MAD1L1: variants seen among roughly 807,000 people sequenced by gnomAD.
MAD1L1 encodes the protein mitotic spindle assembly checkpoint protein MAD1.
In MAD1L1, 95 loss-of-function variants were observed where a neutral mutation model predicts 96.9. The observed-to-expected ratio is 0.98, with a 90% confidence interval of 0.83 to 1.16. MAD1L1 has a LOEUF of 1.16. MAD1L1 is among the 50% of genes most tolerant of loss of function. The pLI, the probability that MAD1L1 is intolerant of heterozygous loss-of-function variation, is 0.00. For missense variants in MAD1L1, 1,007 were observed against 954.4 expected, an observed-to-expected ratio of 1.06 and a Z score of -0.73; for synonymous variants, 473 against 396.6, an observed-to-expected ratio of 1.19 and a Z score of -2.29.
At chr7:2,139,345 C>T (rs1207982518) in intron 11 of MAD1L1, among the ~76,000 whole-genome samples, 1 of 151,658 alleles carries the variant, frequency 6.6e-6, no homozygotes, top group Admixed American at 6.5e-5. Flanking sequence ...TCACAGGCTG[C>T]AGTCCAGGGC....
intron 12 of MAD1L1, among the ~76,000 whole-genome samples, chr7:2,045,107 G>A (rs1783862816): frequency 6.6e-6 from 1 of 152,196 alleles, no homozygotes; most frequent in Non-Finnish European, 1.5e-5. Context: ...CAGCAAGGGA[G>A]CTGCTGCCAC....
intron 18 of MAD1L1, 172 bp downstream of exon 18, chr7:1,898,028 A>T: frequency 1.4e-6 from 1 of 700,166 alleles, no homozygotes; most frequent in Non-Finnish European, 2.4e-6. Flanking sequence ...CCCAAGGCTG[A>T]GAAGCCTCAG....
chr7:1,818,147 T>C (rs1781924306), intron 18 of MAD1L1, among the ~76,000 whole-genome samples: 1 of 152,096 alleles, frequency 6.6e-6, no homozygotes, highest in African/African-American at 2.4e-5. Context: ...TCCCCCTAAA[T>C]GTCAGAGGGG....
intron 11 of MAD1L1, among the ~76,000 whole-genome samples, chr7:2,117,578 C>T (rs930692857): frequency 4.6e-5 from 7 of 152,204 alleles, no homozygotes; most frequent in African/African-American, 1.7e-4. Flanking sequence ...AGAGAGGTGA[C>T]TGTTTTATAA....
chr7:1,840,312 C>A (rs1783180372), intron 18 of MAD1L1, among the ~76,000 whole-genome samples: 1 of 152,240 alleles, frequency 6.6e-6, no homozygotes. Context: ...CAGCTCCAGG[C>A]CACCTCCTCC....
chr7:2,182,286 C>T (rs1157336246), intron 10 of MAD1L1, among the ~76,000 whole-genome samples: 1 of 149,686 alleles, frequency 6.7e-6, no homozygotes, highest in Non-Finnish European at 1.5e-5. Context: ...AAAAAAAAAT[C>T]CACTTTAAGA....
intron 11 of MAD1L1, among the ~76,000 whole-genome samples, chr7:2,104,428 G>A (rs1316985280): frequency 2.0e-5 from 3 of 152,240 alleles, no homozygotes; most frequent in Non-Finnish European, 4.4e-5. Flanking sequence ...GGCCTGTTGC[G>A]TCAGATCCCT....
intron 17 of MAD1L1, among the ~76,000 whole-genome samples, chr7:1,926,550 G>C (rs1450647049): frequency 6.6e-6 from 1 of 152,146 alleles, no homozygotes; most frequent in Non-Finnish European, 1.5e-5. Flanking sequence ...CAGGAATGCA[G>C]AGTTGGCTCA....
intron 18 of MAD1L1, among the ~76,000 whole-genome samples, chr7:1,889,139 A>C (rs1786377856): frequency 1.3e-5 from 2 of 152,166 alleles, no homozygotes; most frequent in South Asian, 4.1e-4. Flanking sequence ...GCCCACATAA[A>C]GGAAGACAAG....
intron 3 of MAD1L1, among the ~76,000 whole-genome samples, chr7:2,226,040 T>C (rs1793876460): frequency 1.3e-5 from 2 of 152,032 alleles, no homozygotes; most frequent in South Asian, 4.1e-4. Context: ...GCCCTCTCCA[T>C]CTCCAAAGTC....
chr7:1,816,056 C>T lies in MAD1L1; in HGVS notation c.*14G>A, dbSNP rs371867113. On this transcript the variant is annotated 3_prime_UTR_variant, in exon 19 of 19. Transcript: ENST00000265854. Reference sequence around the variant, plus strand: ...CAAGCAGAGTGGCTCCGGCTATGCCCCCGAGCCTGCAGGCTACGCCACGGT... The same window carrying T: ...CAAGCAGAGTGGCTCCGGCTATGCCTCCGAGCCTGCAGGCTACGCCACGGT... The T allele has an allele frequency of 1.2e-6, 2 of 1,601,346 alleles. No homozygotes were observed. The highest frequency in any genetic ancestry group is 1.7e-6 in the Non-Finnish European group (2 of 1,173,198).
chr7:2,143,229 C>T (rs1789129696), intron 11 of MAD1L1, among the ~76,000 whole-genome samples: 1 of 151,710 alleles, frequency 6.6e-6, no homozygotes, highest in Admixed American at 6.6e-5. Context: ...CCTGGTAGAG[C>T]CAAATGCAAA....
intron 11 of MAD1L1, among the ~76,000 whole-genome samples, chr7:2,140,456 C>T (rs1231929797): frequency 4.6e-5 from 7 of 152,238 alleles, no homozygotes; most frequent in African/African-American, 1.2e-4. Context: ...GCCGCAAAGC[C>T]GGGAGCAAGA....
At chr7:1,844,345 TG>T (rs1783465732) in intron 18 of MAD1L1, 1 of 152,590 alleles carries the variant, frequency 6.6e-6, no homozygotes, top group Non-Finnish European at 1.5e-5. Flanking sequence ...CTGCTGCTGC[TG>T]GACAGGTAGG....
intron 14 of MAD1L1, among the ~76,000 whole-genome samples, chr7:2,001,475 C>A (rs557957398): frequency 6.6e-6 from 1 of 152,282 alleles, no homozygotes; most frequent in Non-Finnish European, 1.5e-5. Flanking sequence ...TGGTCCCCCA[C>A]GGGCCCACAC....
chr7:1,920,668 A>G (rs6951210), intron 17 of MAD1L1, among the ~76,000 whole-genome samples: 23,892 of 152,096 alleles, frequency 0.16, 4,195 homozygotes, highest in African/African-American at 0.43. Flanking sequence ...AGTCAGCCAC[A>G]TGTGCTGTCT....
chr7:2,211,038 G>T (rs1023850370), intron 10 of MAD1L1, among the ~76,000 whole-genome samples: 1 of 152,234 alleles, frequency 6.6e-6, no homozygotes, highest in Non-Finnish European at 1.5e-5. Flanking sequence ...GTGGCGGGGG[G>T]CAGGGGGAGC....
At chr7:2,078,832 C>T (rs999600129) in intron 11 of MAD1L1, among the ~76,000 whole-genome samples, 16 of 152,144 alleles carry the variant, frequency 1.1e-4, no homozygotes, top group Non-Finnish European at 2.2e-4. Flanking sequence ...GCGGCAGCAC[C>T]GGCCCCAGTC....
At chr7:1,906,439 T>A (rs1049738448) in intron 17 of MAD1L1, among the ~76,000 whole-genome samples, 1 of 152,210 alleles carries the variant, frequency 6.6e-6, no homozygotes, top group Non-Finnish European at 1.5e-5. Flanking sequence ...TAGCCTGACC[T>A]GGTCCCAGCC....
Sources: allele counts gnomAD v4.1 joint callset (sites outside exome capture counted in the v4.1 genomes callset), GRCh38; gene constraint gnomAD v4.1.1; transcripts MANE v1.5; gene names NCBI Gene and HGNC (gene_info 2026-07-23, HGNC 2026-07-21).